Variants in SMARCC2 observed in about 807,000 individuals in gnomAD.
The protein encoded by SMARCC2 is SWI/SNF complex subunit SMARCC2.
In SMARCC2, 15 loss-of-function variants were observed where a neutral mutation model predicts 151.3. The observed-to-expected ratio is 0.10, with a 90% CI of 0.07 to 0.15. The LOEUF is 0.15. SMARCC2 is among the 10% of genes least tolerant of loss of function. The pLI, the probability that SMARCC2 is intolerant of heterozygous loss-of-function variation, is 1.00. For missense variants in SMARCC2, 1,031 were observed against 1,599.7 expected, an observed-to-expected ratio of 0.64 and a Z score of 6.06; for synonymous variants, 590 against 609.5, an observed-to-expected ratio of 0.97 and a Z score of 0.47.
In SMARCC2 at chr12:56,184,702, G is replaced by T. The variant is rs546534505; in HGVS notation, c.492+142C>A. ...GCAGACAGAAAAAGACAGACTCAAGGCTTTAACTCAAGTCTTTTTCCAAGT... is the reference window on the plus strand; with the variant it reads ...GCAGACAGAAAAAGACAGACTCAAGTCTTTAACTCAAGTCTTTTTCCAAGT... On this transcript the variant is annotated intron_variant, in intron 5 of 28. Transcript: ENST00000550164. The T allele has an allele frequency of 2.1e-5, 13 of 620,206 alleles. No homozygotes were observed. The South Asian group carries it at 2.6e-4, about 12-fold the overall frequency. 38.4% of individuals were successfully genotyped at this position (620,206 alleles called of 1,614,324 possible). A position where few individuals can be genotyped will look rare whatever the true frequency, so the allele number is the denominator to read the frequency against.
rs146448375 is a variant in SMARCC2, at chr12:56,173,542, C to T, written c.1650+154G>A. Among the ~76,000 whole-genome samples the T allele has an allele frequency of 8.0e-3, 1,216 of 152,284 alleles. 14 individuals carry two copies. Among genetic ancestry groups the T allele is most frequent in the Non-Finnish European group, 0.013 (851 of 68,026 alleles). ...ACAAAGGCTGAGAGAGGATGCTAAA[C>T]ACATGGGGCTGATTCCCGTGACCCT... On this transcript the variant is annotated intron_variant, in intron 17 of 28. Coordinates refer to ENST00000550164, the MANE Select transcript of SMARCC2 (RefSeq NM_001330288.2).
rs529311018 is a variant in SMARCC2 at position 56,178,939 on chromosome 12, G to A, written c.1141+58C>T. The A allele has an allele frequency of 1.0e-4, 163 of 1,602,254 alleles. 3 individuals are homozygous for A. In the South Asian group the frequency reaches 1.7e-3, roughly 17 times the overall value. On this transcript the variant is annotated intron_variant, in intron 12 of 28. Coordinates refer to ENST00000550164, the MANE Select transcript of SMARCC2 (RefSeq NM_001330288.2). ...CCATCAGGCTAGCGAAAAGGGGGCAGCTGAGCCCTCCCCTTCCCTTGGCTC... is the reference window on the plus strand; with the variant it reads ...CCATCAGGCTAGCGAAAAGGGGGCAACTGAGCCCTCCCCTTCCCTTGGCTC...
In SMARCC2 at chr12:56,170,474, G is replaced by A. The variant is rs184064295; in HGVS notation, c.2348-266C>T. ...GGGTCTCACTCTTGTCGCCCAGGCT[G>A]GAGTGCAGTAGCACAATCATGGCTC... On this transcript the variant is annotated intron_variant, in intron 22 of 28. Coordinates refer to ENST00000550164, the MANE Select transcript of SMARCC2 (RefSeq NM_001330288.2). Among the ~76,000 whole-genome samples the A allele has an allele frequency of 1.7e-4, 26 of 152,074 alleles. No individual in the cohort carries two copies. In the East Asian group the frequency reaches 3.5e-3, roughly 20 times the overall value.
intron 1 of SMARCC2, 64 bp from the exon 2 acceptor site, chr12:56,187,370 AT>A: frequency 6.7e-6 from 10 of 1,492,910 alleles, no homozygotes; most frequent in Non-Finnish European, 9.3e-6. Flanking sequence ...TATCTCCCAT[AT>A]TTCTCCCCCA....
At chr12:56,172,741 G>T in intron 18 of SMARCC2, 37 bp from the exon 19 acceptor site, 1 of 1,611,606 alleles carries the variant, frequency 6.2e-7, no homozygotes, top group South Asian at 1.1e-5. Context: ...GAGTACAAGT[G>T]ACCACCGGGA....
intron 6 of SMARCC2, 43 bp from the exon 7 acceptor site, chr12:56,183,973 G>T (rs956412659): frequency 8.9e-6 from 13 of 1,455,698 alleles, no homozygotes; most frequent in Non-Finnish European, 1.2e-5. Flanking sequence ...AGCTAAAGGG[G>T]GACACAAAAA....
At chr12:56,164,228 C>G in intron 28 of SMARCC2, 75 bp downstream of exon 28, 1 of 1,364,488 alleles carries the variant, frequency 7.3e-7, no homozygotes, top group Non-Finnish European at 1.0e-6. Flanking sequence ...CTGACCTCTT[C>G]CCCACCTGCC....
In SMARCC2 at chr12:56,165,394, C is replaced by T. The variant is rs374092658; in HGVS notation, c.3156G>A (p.Gly1052=). The T allele has an allele frequency of 4.8e-5, 73 of 1,508,624 alleles. No homozygotes were observed. The highest frequency in any genetic ancestry group is 6.3e-5 in the Non-Finnish European group (71 of 1,131,476). The allele number at this position is 1,508,624 out of a possible 1,614,324, so 93.5% of individuals were successfully genotyped here. The stretch of plus-strand genomic sequence containing the variant: ...CTCCAGCTGGTTGCTGCTGCTGTGG[C>T]CCTGCAGTTGACCCTGCCTGCCCAA... ...EQIGQAGSTA[G]PQQQQPAGAP... The change falls in exon 27 of 29, where the codon GGG becomes GGA. Residue 1052 remains glycine (G), a synonymous_variant. Coordinates refer to ENST00000550164, the MANE Select transcript of SMARCC2 (RefSeq NM_001330288.2).
intron 25 of SMARCC2, among the ~76,000 whole-genome samples, chr12:56,168,602 A>C (rs1003684826): frequency 1.3e-5 from 2 of 151,840 alleles, no homozygotes; most frequent in Admixed American, 6.6e-5. Context: ...TCAAACTTAC[A>C]ACCTCAGGTG....
rs372191282 is a variant in SMARCC2 at position 56,179,004 on chromosome 12, G to A, written c.1134C>T (p.Thr378=). Reference sequence around the variant, plus strand: ...AAGAGGCTCCTGTCTTACCCAGGTCGGTCATGGTGCCGCCTTTGACTGGGG... The same window carrying A: ...AAGAGGCTCCTGTCTTACCCAGGTCAGTCATGGTGCCGCCTTTGACTGGGG... ...ESAPVKGGTM[T]DLDEQEDESM... The change falls in exon 12 of 29, where the codon ACC becomes ACT. Residue 378 remains threonine (T), a synonymous_variant. Coordinates refer to ENST00000550164, the MANE Select transcript of SMARCC2 (RefSeq NM_001330288.2). 2.0e-5 allele frequency: 33 copies of A among 1,613,940 alleles called. No homozygotes were observed. Among genetic ancestry groups the A allele is most frequent in the African/African-American group, 5.3e-5 (4 of 74,912 alleles).
intron 22 of SMARCC2, among the ~76,000 whole-genome samples, chr12:56,170,727 T>A (rs1235952894): frequency 7.2e-6 from 1 of 139,680 alleles, no homozygotes; most frequent in African/African-American, 2.8e-5. Flanking sequence ...CACAAGACTT[T>A]TTTTTTTTTT....
At chr12:56,176,664 G>A (rs868432254) in intron 15 of SMARCC2, among the ~76,000 whole-genome samples, 34 of 142,766 alleles carry the variant, frequency 2.4e-4, no homozygotes, top group South Asian at 6.6e-4. Context: ...TTTTTGAGAC[G>A]GAGTCTCGCT....
intron 20 of SMARCC2, 172 bp downstream of exon 20, chr12:56,172,256 A>C (rs2135686855): frequency 1.7e-6 from 1 of 587,286 alleles, no homozygotes. Context: ...AATTTTTAAA[A>C]TTTTTCGTAG....
chr12:56,179,074 C>G lies in SMARCC2; in HGVS notation c.1082-18G>C. 1 of 1,612,800 alleles carries G rather than the reference C, an allele frequency of 6.2e-7. No homozygotes were observed. The highest frequency in any genetic ancestry group is 8.5e-7 in the Non-Finnish European group (1 of 1,178,896). On this transcript the variant is annotated intron_variant, in intron 11 of 28. Transcript: ENST00000550164. ...TGTGTTGACTGCGAAAACAGAGAGT[C>G]ATTTTATCAGACAGATTTTGCCTAA...
chr12:56,168,323 G>T, intron 25 of SMARCC2, 129 bp from the exon 26 acceptor site: 1 of 1,030,536 alleles, frequency 9.7e-7, no homozygotes, highest in Non-Finnish European at 1.4e-6. Context: ...TGGTGAAAGG[G>T]CTTGACTTTT....
intron 7 of SMARCC2, 60 bp from the exon 8 acceptor site, chr12:56,182,139 G>C (rs1212277437): frequency 1.2e-5 from 14 of 1,200,424 alleles, no homozygotes; most frequent in Admixed American, 4.1e-5. Context: ...GAAAAGTAAA[G>C]TGCAGATCTT....
At chr12:56,174,276 A>AT (rs1874519735) in intron 16 of SMARCC2, among the ~76,000 whole-genome samples, 1 of 151,912 alleles carries the variant, frequency 6.6e-6, no homozygotes, top group East Asian at 1.9e-4. Flanking sequence ...TGCCTAGCTA[A>AT]TTTTTTTGCA....
chr12:56,178,972 C>T (rs753417005), intron 12 of SMARCC2, 25 bp downstream of exon 12: 41 of 1,613,276 alleles, frequency 2.5e-5, no homozygotes, highest in Non-Finnish European at 3.0e-5. Context: ...CTCTGACTGC[C>T]GTGCCCAAGA....
rs1011641585 is a variant in SMARCC2, at chr12:56,178,258, A to G, written c.1310+146T>C. On this transcript the variant is annotated intron_variant, in intron 14 of 28. Coordinates refer to ENST00000550164, the MANE Select transcript of SMARCC2 (RefSeq NM_001330288.2). ...AGGCTGTAAGACTCAAAAGGACACA[A>G]GGAGCTCCCCTAAAACTAAAGTGTA... 3 of 989,658 alleles carry G rather than the reference A, an allele frequency of 3.0e-6. No individual in the cohort carries two copies. The East Asian group carries it at 7.2e-5, about 24-fold the overall frequency. The allele number at this position is 989,658 out of a possible 1,614,324, so 61.3% of individuals were successfully genotyped here. A position where few individuals can be genotyped will look rare whatever the true frequency, so the allele number is the denominator to read the frequency against.
Sources: gnomAD v4.1 joint callset for allele counts (sites outside exome capture counted in the v4.1 genomes callset) on GRCh38, gnomAD v4.1.1 for gene constraint, MANE v1.5 for transcripts, NCBI Gene and HGNC (gene_info 2026-07-23, HGNC 2026-07-21) for gene names.